The following TCF23 variants were observed in gnomAD, a reference collection of about 807,000 sequenced individuals.
The protein encoded by TCF23 is class A basic helix-loop-helix protein 24.
Under a neutral mutation model 13.0 loss-of-function variants are expected in TCF23, and 7 were observed. That is an observed-to-expected ratio of 0.54 (90% confidence interval 0.31 to 1.01). The LOEUF (loss-of-function observed/expected upper bound fraction) is 1.01. TCF23 is among the 50% of genes least tolerant of loss of function. TCF23 has a pLI of 0.06. For synonymous variants in TCF23, 122 were observed against 119.5 expected (o/e 1.02, Z -0.14); for missense variants, 257 against 289.8 (o/e 0.89, Z 0.82).
rs539100269 is a variant in TCF23 at position 27,149,011 on chromosome 2, C to T, written c.-123C>T. ...CAGGGAGCAAACAGGACTGAGTTGG[C>T]GCCAGCTTCCTCGGATGTAGATATT... On this transcript the variant is annotated 5_prime_UTR_variant, in exon 1 of 3. Transcript: ENST00000296096. The T allele has an allele frequency of 2.5e-5, 24 of 979,144 alleles. No homozygotes were observed. The East Asian group carries it at 3.4e-4, about 14-fold the overall frequency. The allele number at this position is 979,144 out of a possible 1,614,324, so 60.7% of individuals were successfully genotyped here. A position where few individuals can be genotyped will look rare whatever the true frequency, so the allele number is the denominator to read the frequency against.
rs991015669 is a variant in TCF23, at chr2:27,154,002, A to C, written c.*1135A>C. 6.6e-6 allele frequency: 1 copy of C among 152,140 alleles called. No homozygotes were observed. The highest frequency in any genetic ancestry group is 1.5e-5 in the Non-Finnish European group (1 of 68,040). The allele number at this position is 152,140 out of a possible 1,614,324, so 9.4% of individuals were successfully genotyped here. A position where few individuals can be genotyped will look rare whatever the true frequency, so the allele number is the denominator to read the frequency against. Reference sequence around the variant, plus strand: ...CTGCCTTCAACTGCTCAACCACTCAATTGGCTCCTTGTAAAATTTGTGTTC... The same window carrying C: ...CTGCCTTCAACTGCTCAACCACTCACTTGGCTCCTTGTAAAATTTGTGTTC... On this transcript the variant is annotated 3_prime_UTR_variant, in exon 3 of 3. Coordinates refer to ENST00000296096, the MANE Select transcript of TCF23 (RefSeq NM_175769.3).
At position 27,153,508 on chromosome 2, in the gene TCF23, C is replaced by CTCTTTCCTTTCTTTTCTTT. The variant is rs139640315; in HGVS notation, c.*646_*647insCCTTTCTTTTCTTTTCTTT. ...CCCTCTCGGCTCCTGCACTCTTCCA[C>CTCTTTCCTTTCTTTTCTTT]TCTTTTCTTTTCTTTTCTTTTCTTT... On this transcript the variant is annotated 3_prime_UTR_variant, in exon 3 of 3. Transcript: ENST00000296096. The CTCTTTCCTTTCTTTTCTTT allele has an allele frequency of 1.3e-5, 2 of 150,360 alleles. No individual in the cohort carries two copies. The highest frequency in any genetic ancestry group is 4.3e-4 in the South Asian group (2 of 4,616). The allele number at this position is 150,360 out of a possible 1,614,324, so 9.3% of individuals were successfully genotyped here.
chr2:27,152,579 A>C, intron 2 of TCF23, 109 bp from the exon 3 acceptor site: 1 of 1,244,298 alleles, frequency 8.0e-7, no homozygotes, highest in Non-Finnish European at 1.1e-6. Flanking sequence ...TGGCTGGGGA[A>C]GGTGTCAGGG....
chr2:27,149,796 C>T (rs199838696), intron 1 of TCF23: 2 of 648,054 alleles, frequency 3.1e-6, no homozygotes, highest in Non-Finnish European at 5.9e-6. Context: ...CCCCAGCACA[C>T]CCTGATAAGC....
intron 1 of TCF23, 24 bp downstream of exon 1, chr2:27,149,379 A>G: frequency 1.3e-6 from 2 of 1,553,714 alleles, no homozygotes; most frequent in Non-Finnish European, 1.7e-6. Flanking sequence ...GCACCTGCAG[A>G]GGGGTCCAGG....
chr2:27,152,609 G>A (rs1366339574), intron 2 of TCF23, 79 bp from the exon 3 acceptor site: 1 of 1,535,010 alleles, frequency 6.5e-7, no homozygotes. Flanking sequence ...GGAGAAGGCT[G>A]GGTTTTGGGT....
Position 27,150,481 on chromosome 2 carries a change from C to G in TCF23, c.465+116C>G. On this transcript the variant is annotated intron_variant, in intron 2 of 2. Transcript: ENST00000296096. This position sits in a 1 kb window ranked among gnomAD's most constrained non-coding sequence, Gnocchi z 4.1. ...GGCCCCCTGCCCTGTGCAGAACTGACGTCGGAGCCAATTTCTCCTGCTGTC... is the reference window on the plus strand; with the variant it reads ...GGCCCCCTGCCCTGTGCAGAACTGAGGTCGGAGCCAATTTCTCCTGCTGTC... The G allele has an allele frequency of 3.3e-6, 5 of 1,501,852 alleles. No individual in the cohort carries two copies. The highest frequency in any genetic ancestry group is 4.5e-6 in the Non-Finnish European group (5 of 1,113,280). 93.0% of individuals were successfully genotyped at this position (1,501,852 alleles called of 1,614,324 possible).
Position 27,150,081 on chromosome 2 carries a change from G to A in TCF23, c.223-42G>A. On this transcript the variant is annotated intron_variant, in intron 1 of 2. Transcript: ENST00000296096. This position sits in a 1 kb window ranked among gnomAD's most constrained non-coding sequence, Gnocchi z 4.1. ...AACGCTCTCAGAAGTCAGGGCAGTTGGGAGTCCAGGTCACACACACTCACT... is the reference window on the plus strand; with the variant it reads ...AACGCTCTCAGAAGTCAGGGCAGTTAGGAGTCCAGGTCACACACACTCACT... 2 of 1,572,754 alleles carry A rather than the reference G, an allele frequency of 1.3e-6. No individual in the cohort carries two copies. The highest frequency in any genetic ancestry group is 1.7e-6 in the Non-Finnish European group (2 of 1,161,094).
intron 2 of TCF23, among the ~76,000 whole-genome samples, 181 bp from the exon 3 acceptor site, chr2:27,152,507 C>G (rs771303154): frequency 6.6e-6 from 1 of 152,198 alleles, no homozygotes; most frequent in Non-Finnish European, 1.5e-5. Flanking sequence ...CTCATCCAGG[C>G]TCTGGGTGAT....
At position 27,153,034 on chromosome 2, in the gene TCF23, A is replaced by G; in HGVS notation, c.*167A>G. The G allele has an allele frequency of 7.1e-7, 1 of 1,403,230 alleles. No homozygotes were observed. The allele number at this position is 1,403,230 out of a possible 1,614,324, so 86.9% of individuals were successfully genotyped here. ...CACTTCTGTGATGGACAGTACCTAG[A>G]GGGGCACAGGTTGGAGAGCCTCCTC... On this transcript the variant is annotated 3_prime_UTR_variant, in exon 3 of 3. Coordinates refer to ENST00000296096, the MANE Select transcript of TCF23 (RefSeq NM_175769.3).
Position 27,149,173 on chromosome 2 carries a change from G to T in TCF23, c.40G>T (p.Gly14Trp), listed in dbSNP as rs768546414. Residue 14 changes from glycine (G) to tryptophan (W), a missense_variant, in exon 1 of 3, where the codon GGG (glycine) becomes TGG (tryptophan). Gly to Trp is a radical substitution (Grantham distance 184). Transcript: ENST00000296096. ...GGCCAGAGGGCCACCAGCCATGCCA[G>T]GGGTGGGGCATAGCCAGACTCAGGC... Reference protein sequence around the residue: ...RKARGPPAMPGVGHSQTQAKA... With the variant: ...RKARGPPAMPWVGHSQTQAKA... The T allele has an allele frequency of 3.2e-6, 5 of 1,551,224 alleles. No homozygotes were observed. The African/African-American group carries it at 6.8e-5, about 21-fold the overall frequency.
rs1672845910 is a variant in TCF23 at position 27,156,966 on chromosome 2, A to G, written c.*4099A>G. ...TTTGTAAATAAAGTTTTATTGGAAC[A>G]CATCCACACCCATGTGTTTATGTGT... On this transcript the variant is annotated 3_prime_UTR_variant, in exon 3 of 3. Coordinates refer to ENST00000296096, the MANE Select transcript of TCF23 (RefSeq NM_175769.3). 1 of 152,284 alleles carries G rather than the reference A, an allele frequency of 6.6e-6. No individual in the cohort carries two copies. The highest frequency in any genetic ancestry group is 2.4e-5 in the African/African-American group (1 of 41,476). The allele number at this position is 152,284 out of a possible 1,614,324, so 9.4% of individuals were successfully genotyped here.
In TCF23 at chr2:27,152,752, C is replaced by G. The variant is rs1318147101; in HGVS notation, c.530C>G (p.Thr177Arg). Residue 177 changes from threonine (T) to arginine (R), a missense_variant, in exon 3 of 3, where the codon ACA becomes AGA. By Grantham distance (71) the Thr-to-Arg change is moderately conservative (BLOSUM62 -1). Coordinates refer to ENST00000296096, the MANE Select transcript of TCF23 (RefSeq NM_175769.3). ...GGGTACTCCGATCTTGACTCCACCACAGCCAGCACCCCCAGCCAAAGAACA... is the reference window on the plus strand; with the variant it reads ...GGGTACTCCGATCTTGACTCCACCAGAGCCAGCACCCCCAGCCAAAGAACA... The part of the protein sequence containing the change: ...GLGYSDLDST[T>R]ASTPSQRTRD... The G allele has an allele frequency of 6.2e-7, 1 of 1,614,180 alleles. No individual in the cohort carries two copies. The highest frequency in any genetic ancestry group is 8.5e-7 in the Non-Finnish European group (1 of 1,180,034).
In TCF23 at chr2:27,153,114, G is replaced by A. The variant is rs2148430543; in HGVS notation, c.*247G>A. The A allele has an allele frequency of 1.2e-6, 1 of 865,822 alleles. No homozygotes were observed. Among genetic ancestry groups the A allele is most frequent in the Admixed American group, 3.7e-5 (1 of 26,738 alleles). The allele number at this position is 865,822 out of a possible 1,614,324, so 53.6% of individuals were successfully genotyped here. A position where few individuals can be genotyped will look rare whatever the true frequency, so the allele number is the denominator to read the frequency against. Reference sequence around the variant, plus strand: ...GCTCTTCTGTGACAGCTACTGGGAAGTGGGAGAGAAAGAGGTATAATTGGG... The same window carrying A: ...GCTCTTCTGTGACAGCTACTGGGAAATGGGAGAGAAAGAGGTATAATTGGG... On this transcript the variant is annotated 3_prime_UTR_variant, in exon 3 of 3. Transcript: ENST00000296096.
rs1672836637 is a variant in TCF23, at chr2:27,156,398, G to A, written c.*3531G>A. 1 of 148,524 alleles carries A rather than the reference G, an allele frequency of 6.7e-6. No homozygotes were observed. Among genetic ancestry groups the A allele is most frequent in the Non-Finnish European group, 1.5e-5 (1 of 67,310 alleles). 9.2% of individuals were successfully genotyped at this position (148,524 alleles called of 1,614,324 possible). ...TGATTTCTTTTTTTTTGTTTTTTGA[G>A]ACAGAGTCTCACTCTGTCACCGAGG... On this transcript the variant is annotated 3_prime_UTR_variant, in exon 3 of 3. Coordinates refer to ENST00000296096, the MANE Select transcript of TCF23 (RefSeq NM_175769.3).
Position 27,150,911 on chromosome 2 carries a change from T to C in TCF23, c.465+546T>C, listed in dbSNP as rs1370685444. 6.6e-6 allele frequency among the ~76,000 whole-genome samples: 1 copy of C among 152,128 alleles called. No individual in the cohort carries two copies. The highest frequency in any genetic ancestry group is 1.5e-5 in the Non-Finnish European group (1 of 68,034). On this transcript the variant is annotated intron_variant, in intron 2 of 2. Transcript: ENST00000296096. The surrounding 1 kb of genome is among the most constrained non-coding windows in gnomAD (Gnocchi z 4.1). Reference sequence around the variant, plus strand: ...GCAATCTAGCTTTTCTCAACCTCAGTTTTATTACACGTAAAATAGAAGCTA... The same window carrying C: ...GCAATCTAGCTTTTCTCAACCTCAGCTTTATTACACGTAAAATAGAAGCTA...
At position 27,149,172 on chromosome 2, in the gene TCF23, A is replaced by T. The variant is rs1205646490; in HGVS notation, c.39A>T (p.Pro13=). The T allele has an allele frequency of 1.3e-6, 2 of 1,551,070 alleles. No individual in the cohort carries two copies. Among genetic ancestry groups the T allele is most frequent in the African/African-American group, 2.7e-5 (2 of 73,048 alleles). ...QRKARGPPAM[P]GVGHSQTQAK... is the part of the protein sequence containing the mutation. ...AGGCCAGAGGGCCACCAGCCATGCCAGGGGTGGGGCATAGCCAGACTCAGG... is the reference window on the plus strand; with the variant it reads ...AGGCCAGAGGGCCACCAGCCATGCCTGGGGTGGGGCATAGCCAGACTCAGG... Residue 13 remains proline, a synonymous_variant, in exon 1 of 3, where the codon CCA becomes CCT. Coordinates refer to ENST00000296096, the MANE Select transcript of TCF23 (RefSeq NM_175769.3).
In TCF23 at chr2:27,152,707, G is replaced by C. The variant is rs144584247; in HGVS notation, c.485G>C (p.Arg162Pro). The C allele has an allele frequency of 6.2e-7, 1 of 1,613,726 alleles. No individual in the cohort carries two copies. Among genetic ancestry groups the C allele is most frequent in the African/African-American group, 1.3e-5 (1 of 74,874 alleles). Reference sequence around the variant, plus strand: ...TTGCAGAAGTGGCCGATGCGATCTCGTCTCTATGCTGGAGGCCTGGGGTAC... The same window carrying C: ...TTGCAGAAGTGGCCGATGCGATCTCCTCTCTATGCTGGAGGCCTGGGGTAC... ...HPLKKWPMRSRLYAGGLGYSD... is the reference protein window; with the variant it reads ...HPLKKWPMRSPLYAGGLGYSD... The change falls in exon 3 of 3, where the codon CGT (arginine) becomes CCT (proline). Residue 162 changes from arginine to proline, a missense_variant. Transcript: ENST00000296096.
At position 27,154,501 on chromosome 2, in the gene TCF23, G is replaced by C. The variant is rs900341083; in HGVS notation, c.*1634G>C. 6.6e-6 allele frequency: 1 copy of C among 152,402 alleles called. No individual in the cohort carries two copies. Among genetic ancestry groups the C allele is most frequent in the Non-Finnish European group, 1.5e-5 (1 of 68,200 alleles). 9.4% of individuals were successfully genotyped at this position (152,402 alleles called of 1,614,324 possible). A position where few individuals can be genotyped will look rare whatever the true frequency, so the allele number is the denominator to read the frequency against. On this transcript the variant is annotated 3_prime_UTR_variant, in exon 3 of 3. Coordinates refer to ENST00000296096, the MANE Select transcript of TCF23 (RefSeq NM_175769.3). The stretch of plus-strand genomic sequence containing the variant: ...CAGGGCAGAGCTGAAATAGGGCTGG[G>C]GGTGCGACTGAGCCAGTTGTGGTAG...
Sources: gnomAD v4.1 joint callset for allele counts (sites outside exome capture counted in the v4.1 genomes callset) on GRCh38, gnomAD v4.1.1 for gene constraint, Gnocchi (gnomAD v3.1) non-coding constraint, MANE v1.5 for transcripts, NCBI Gene and HGNC (gene_info 2026-07-23, HGNC 2026-07-21) for gene names.